The following ARHGAP12 variants were observed in gnomAD, a reference collection of about 807,000 sequenced individuals.
ARHGAP12 encodes the protein rho GTPase-activating protein 12.
ARHGAP12 carries 64 observed loss-of-function variants against 108.6 expected under a neutral mutation model. The observed-to-expected ratio is 0.59, with a 90% CI of 0.48 to 0.73. ARHGAP12 has a LOEUF of 0.73. ARHGAP12 is among the 30% of genes least tolerant of loss of function. The pLI, the probability that ARHGAP12 is intolerant of heterozygous loss-of-function variation, is 0.00. For synonymous variants in ARHGAP12, 312 were observed against 337.2 expected (o/e 0.93, Z 0.82); for missense variants, 940 against 1,005.9 (o/e 0.93, Z 0.89).
chr10:31,877,105 C>T (rs1004632170), intron 3 of ARHGAP12, among the ~76,000 whole-genome samples: 1 of 152,180 alleles, frequency 6.6e-6, no homozygotes, highest in African/African-American at 2.4e-5. Flanking sequence ...TGAGAAAAAT[C>T]TGTGGCAGAT....
At chr10:31,866,355 G>A (rs1009655813) in intron 3 of ARHGAP12, among the ~76,000 whole-genome samples, 6 of 152,192 alleles carry the variant, frequency 3.9e-5, no homozygotes, top group Admixed American at 6.5e-5. Flanking sequence ...CTAGAAAAGC[G>A]AGTAAAATAC....
intron 3 of ARHGAP12, among the ~76,000 whole-genome samples, chr10:31,889,010 A>G (rs1202825010): frequency 6.6e-6 from 1 of 152,056 alleles, no homozygotes; most frequent in Non-Finnish European, 1.5e-5. Context: ...CCCAGGTTCA[A>G]ATGATTCTCC....
rs201598945 is a variant in ARHGAP12, at chr10:31,809,200, T to C, written c.2128+30A>G. On this transcript the variant is annotated intron_variant, in intron 17 of 19. Transcript: ENST00000344936. ...AGTTCAAAAAGTTATGAGTGATGCA[T>C]CTGAATAACAACAGTAAATATAATC... The C allele has an allele frequency of 9.3e-6, 15 of 1,613,352 alleles. No homozygotes were observed. In the Middle Eastern group the frequency reaches 1.8e-3, roughly 195 times the overall value.
At chr10:31,820,024 A>G (rs2132166616) in intron 12 of ARHGAP12, among the ~76,000 whole-genome samples, 1 of 151,990 alleles carries the variant, frequency 6.6e-6, no homozygotes. Context: ...GAAGATATAG[A>G]GATATCCCAT....
At chr10:31,861,229 C>T (rs1369488494) in intron 4 of ARHGAP12, among the ~76,000 whole-genome samples, 166 bp downstream of exon 4, 5 of 152,198 alleles carry the variant, frequency 3.3e-5, no homozygotes, top group African/African-American at 1.2e-4. Flanking sequence ...TAGGAAGTAG[C>T]TAGCATTAAT....
intron 11 of ARHGAP12, among the ~76,000 whole-genome samples, chr10:31,825,825 C>G (rs932979870): frequency 6.6e-6 from 1 of 152,140 alleles, no homozygotes; most frequent in African/African-American, 2.4e-5. Flanking sequence ...CAAAATCCCA[C>G]AAGTAATGTG....
At chr10:31,817,729 T>TAAA in intron 13 of ARHGAP12, 59 bp downstream of exon 13, 7 of 921,502 alleles carry the variant, frequency 7.6e-6, no homozygotes, top group African/African-American at 1.8e-5. Flanking sequence ...AATAAGCAAT[T>TAAA]AAAAAAAAAA....
At chr10:31,895,607 G>A (rs1490136932) in intron 3 of ARHGAP12, among the ~76,000 whole-genome samples, 3 of 152,198 alleles carry the variant, frequency 2.0e-5, no homozygotes, top group African/African-American at 4.8e-5. Flanking sequence ...TGCTGGAGAG[G>A]ATGTAGAGAA....
intron 10 of ARHGAP12, chr10:31,826,639 C>T: frequency 2.9e-6 from 1 of 349,760 alleles, no homozygotes; most frequent in Non-Finnish European, 5.1e-6. Flanking sequence ...ATGAATGACG[C>T]ATGTAATTAT....
intron 11 of ARHGAP12, among the ~76,000 whole-genome samples, chr10:31,822,232 G>A (rs994599003): frequency 6.6e-6 from 1 of 152,174 alleles, no homozygotes; most frequent in African/African-American, 2.4e-5. Flanking sequence ...GCATGCAACA[G>A]GAACACATAC....
chr10:31,862,705 G>GAC (rs559731195), intron 3 of ARHGAP12, among the ~76,000 whole-genome samples: 10,791 of 132,912 alleles, frequency 0.081, 468 homozygotes, highest in South Asian at 0.13. Flanking sequence ...TGCACACACA[G>GAC]ACACACACAC....
At chr10:31,919,975 C>T (rs374617911) in intron 1 of ARHGAP12, among the ~76,000 whole-genome samples, 38 of 149,890 alleles carry the variant, frequency 2.5e-4, no homozygotes, top group African/African-American at 9.1e-4. Flanking sequence ...AATTAGCTGG[C>T]CATGGTGGCA....
At chr10:31,914,270 T>G (rs1485475348) in intron 1 of ARHGAP12, among the ~76,000 whole-genome samples, 1 of 152,190 alleles carries the variant, frequency 6.6e-6, no homozygotes, top group Non-Finnish European at 1.5e-5. Flanking sequence ...ATTTCCCCTA[T>G]GTTTTCTTTC....
At chr10:31,808,461 A>C (rs539215340) in intron 19 of ARHGAP12, 188 bp downstream of exon 19, 4 of 519,748 alleles carry the variant, frequency 7.7e-6, no homozygotes, top group South Asian at 4.7e-5. Context: ...ACTTTACTGT[A>C]TTCTTCATAG....
At chr10:31,909,733 A>G (rs1839272731) in intron 2 of ARHGAP12, among the ~76,000 whole-genome samples, 2 of 152,012 alleles carry the variant, frequency 1.3e-5, no homozygotes. Flanking sequence ...CTGCCTCTAC[A>G]AGAATTACAA....
intron 9 of ARHGAP12, among the ~76,000 whole-genome samples, chr10:31,833,921 G>A (rs1024090741): frequency 6.6e-6 from 1 of 152,148 alleles, no homozygotes; most frequent in African/African-American, 2.4e-5. Flanking sequence ...CAGAAAGAAT[G>A]CACTAAGAAA....
At chr10:31,894,600 G>A (rs1838598325) in intron 3 of ARHGAP12, among the ~76,000 whole-genome samples, 2 of 152,144 alleles carry the variant, frequency 1.3e-5, no homozygotes, top group African/African-American at 4.8e-5. Flanking sequence ...AATAAAAGAG[G>A]ATACAAACAA....
At chr10:31,825,435 G>A (rs537419781) in intron 11 of ARHGAP12, among the ~76,000 whole-genome samples, 1 of 152,106 alleles carries the variant, frequency 6.6e-6, no homozygotes, top group Non-Finnish European at 1.5e-5. Context: ...TTTTACTTGA[G>A]CATTAGCACT....
chr10:31,919,641 A>G (rs978092263), intron 1 of ARHGAP12, among the ~76,000 whole-genome samples: 5 of 151,820 alleles, frequency 3.3e-5, no homozygotes, highest in Admixed American at 6.6e-5. Flanking sequence ...ATGCAAAAAA[A>G]TTAGCTGGGC....
Sources: gnomAD v4.1 joint callset for allele counts (sites outside exome capture counted in the v4.1 genomes callset) on GRCh38, gnomAD v4.1.1 for gene constraint, MANE v1.5 for transcripts, NCBI Gene and HGNC (gene_info 2026-07-23, HGNC 2026-07-21) for gene names.